The following FHIT variants were observed in gnomAD, a reference collection of about 807,000 sequenced individuals.
FHIT encodes the protein fragile histidine triad diadenosine triphosphatase, also known as bis(5'-adenosyl)-triphosphatase.
FHIT carries 19 observed loss-of-function variants against 17.9 expected under a neutral mutation model. The ratio of observed to expected loss-of-function variants is 1.06; its 90% CI spans 0.74 to 1.56. The LOEUF is 1.56. Among genes scored for constraint, FHIT ranks in the 40% most tolerant of loss-of-function variants. FHIT has a pLI of 0.00. For synonymous variants in FHIT, 81 were observed against 69.7 expected, an observed-to-expected ratio of 1.16 and a Z score of -0.81; for missense variants, 248 against 189.2, an observed-to-expected ratio of 1.31 and a Z score of -1.82.
At chr3:59,911,283 A>G (rs928776588) in intron 8 of FHIT, among the ~76,000 whole-genome samples, 23 of 152,188 alleles carry the variant, frequency 1.5e-4, no homozygotes, top group African/African-American at 5.1e-4. Context: ...ATAGACACAC[A>G]CTCACACACA....
rs9851823 is a variant in FHIT, at chr3:59,771,141, A to G, written c.349-18820T>C. On this transcript the variant is annotated intron_variant, in intron 8 of 9. Transcript: ENST00000492590. ...TTTTGTTCTCTTCTCACATAAGACAATAATGGACCAAAAATACCACTTACC... is the reference window on the plus strand; with the variant it reads ...TTTTGTTCTCTTCTCACATAAGACAGTAATGGACCAAAAATACCACTTACC... Among the ~76,000 whole-genome samples, 866 of 152,328 alleles carry G rather than the reference A, an allele frequency of 5.7e-3. 11 individuals carry two copies. Among genetic ancestry groups the G allele is most frequent in the African/African-American group, 0.02 (824 of 41,578 alleles).
chr3:60,594,842 C>G (rs1211958715), intron 4 of FHIT, among the ~76,000 whole-genome samples: 6 of 152,076 alleles, frequency 3.9e-5, no homozygotes, highest in African/African-American at 1.4e-4. Context: ...TTTCCCTTCT[C>G]CATCCTGCAG....
intron 8 of FHIT, among the ~76,000 whole-genome samples, chr3:59,869,587 T>C (rs1447625415): frequency 3.4e-5 from 5 of 147,226 alleles, no homozygotes; most frequent in Non-Finnish European, 3.0e-5. Flanking sequence ...GTTCACGCCA[T>C]TCTCCTGCCT....
chr3:60,110,483 A>C (rs112462179), intron 5 of FHIT, among the ~76,000 whole-genome samples: 1 of 152,186 alleles, frequency 6.6e-6, no homozygotes, highest in Admixed American at 6.5e-5. Context: ...AAAGATCACC[A>C]AATAGACACC....
At chr3:60,552,908 C>G (rs1319633938) in intron 4 of FHIT, among the ~76,000 whole-genome samples, 8 of 152,166 alleles carry the variant, frequency 5.3e-5, no homozygotes, top group Non-Finnish European at 1.2e-4. Context: ...TTTCTCCAGG[C>G]ACTCTGGTTT....
At chr3:60,564,031 C>A (rs1017942123) in intron 4 of FHIT, among the ~76,000 whole-genome samples, 2 of 152,116 alleles carry the variant, frequency 1.3e-5, no homozygotes, top group South Asian at 4.1e-4. Flanking sequence ...TGCCTGGCTT[C>A]AAAGCTTCAA....
intron 3 of FHIT, among the ~76,000 whole-genome samples, chr3:60,897,620 A>C (rs1336363350): frequency 6.6e-6 from 1 of 152,174 alleles, no homozygotes; most frequent in African/African-American, 2.4e-5. Flanking sequence ...ATACATGGGA[A>C]TGTATGTAAG....
At chr3:60,951,288 A>G (rs933153088) in intron 3 of FHIT, among the ~76,000 whole-genome samples, 2 of 152,234 alleles carry the variant, frequency 1.3e-5, no homozygotes, top group African/African-American at 2.4e-5. Context: ...AGACATGCCA[A>G]TAATAAAATT....
At chr3:60,277,886 A>G (rs1288701303) in intron 5 of FHIT, among the ~76,000 whole-genome samples, 1 of 152,182 alleles carries the variant, frequency 6.6e-6, no homozygotes, top group Non-Finnish European at 1.5e-5. Flanking sequence ...ACACTGCTTC[A>G]CTGCAATTTG....
intron 5 of FHIT, among the ~76,000 whole-genome samples, chr3:60,317,047 A>G (rs1215150811): frequency 2.0e-5 from 3 of 152,172 alleles, no homozygotes; most frequent in South Asian, 2.1e-4. Context: ...CTATACAGTA[A>G]TCTAATAAAA....
At position 60,257,124 on chromosome 3, in the gene FHIT, T is replaced by G. The variant is rs111886144; in HGVS notation, c.104-242972A>C. ...CTGTTTTATAAACATGCCTGTTGTT[T>G]GGATTATCTTTTAAACCAGTTATAT... On this transcript the variant is annotated intron_variant, in intron 5 of 9. Coordinates refer to ENST00000492590, the MANE Select transcript of FHIT (RefSeq NM_002012.4). Among the ~76,000 whole-genome samples, 233 of 152,322 alleles carry G rather than the reference T, an allele frequency of 1.5e-3. 4 individuals carry two copies. The highest frequency in any genetic ancestry group is 4.4e-3 in the African/African-American group (185 of 41,590).
chr3:61,102,003 G>A (rs992264475), intron 2 of FHIT, among the ~76,000 whole-genome samples: 2 of 152,138 alleles, frequency 1.3e-5, no homozygotes, highest in Non-Finnish European at 2.9e-5. Context: ...TCTGCAAACA[G>A]GGACAACTGG....
At chr3:60,562,426 C>T (rs936852920) in intron 4 of FHIT, among the ~76,000 whole-genome samples, 21 of 152,088 alleles carry the variant, frequency 1.4e-4, no homozygotes, top group Non-Finnish European at 4.4e-5. Flanking sequence ...GGCCAGGTGG[C>T]GTCTCCAAGA....
At chr3:61,205,952 G>T (rs2039216307) in intron 1 of FHIT, among the ~76,000 whole-genome samples, 1 of 145,254 alleles carries the variant, frequency 6.9e-6, no homozygotes, top group Non-Finnish European at 1.5e-5. Context: ...ATGGTTTTAG[G>T]TCTAACATTT....
At chr3:60,656,223 A>G (rs549330644) in intron 4 of FHIT, among the ~76,000 whole-genome samples, 1 of 152,270 alleles carries the variant, frequency 6.6e-6, no homozygotes, top group African/African-American at 2.4e-5. Context: ...ATTCTTCTAC[A>G]CTTCTGGGGC....
intron 7 of FHIT, among the ~76,000 whole-genome samples, chr3:59,975,929 T>G (rs150790676): frequency 1.2e-4 from 18 of 151,972 alleles, no homozygotes; most frequent in Non-Finnish European, 2.1e-4. Context: ...GAGAGTAAGG[T>G]CTCCAGTTCC....
At chr3:61,186,242 CAG>C (rs890634449) in intron 2 of FHIT, among the ~76,000 whole-genome samples, 4 of 152,156 alleles carry the variant, frequency 2.6e-5, no homozygotes, top group African/African-American at 7.2e-5. Context: ...TTATTAATAA[CAG>C]GGGCATTAAT....
chr3:60,500,501 G>A (rs1235780228), intron 5 of FHIT, among the ~76,000 whole-genome samples: 1 of 152,060 alleles, frequency 6.6e-6, no homozygotes, highest in Non-Finnish European at 1.5e-5. Flanking sequence ...TGGGCACGGT[G>A]GCTCACGCCT....
chr3:59,972,564 C>T (rs1285990657), intron 7 of FHIT, among the ~76,000 whole-genome samples: 1 of 152,068 alleles, frequency 6.6e-6, no homozygotes, highest in Non-Finnish European at 1.5e-5. Flanking sequence ...CACACGGGGC[C>T]AGTCAGCTTT....
Sources: allele counts gnomAD v4.1 joint callset (sites outside exome capture counted in the v4.1 genomes callset), GRCh38; gene constraint gnomAD v4.1.1; transcripts MANE v1.5; gene names NCBI Gene and HGNC (gene_info 2026-07-23, HGNC 2026-07-21).